The following PTCD3 variants were observed in gnomAD, a reference collection of about 807,000 sequenced individuals.
PTCD3 encodes small ribosomal subunit protein mS39.
A neutral mutation model predicts 101.9 loss-of-function variants in PTCD3; 89 were observed. The ratio of observed to expected loss-of-function variants is 0.87; its 90% CI spans 0.74 to 1.04. PTCD3 has a LOEUF of 1.04. PTCD3 is among the 50% of genes least tolerant of loss of function. The pLI, the probability that PTCD3 is intolerant of heterozygous loss-of-function variation, is 0.00. For missense variants in PTCD3, 870 were observed against 828.2 expected (o/e 1.05, Z -0.62); for synonymous variants, 296 against 278.5 (o/e 1.06, Z -0.63).
rs758708550 is a variant in PTCD3 at position 86,117,122 on chromosome 2, A to C, written c.377A>C (p.Lys126Thr). The C allele has an allele frequency of 6.8e-7, 1 of 1,461,596 alleles. No homozygotes were observed. Among genetic ancestry groups the C allele is most frequent in the Non-Finnish European group, 9.6e-7 (1 of 1,041,628 alleles). 90.5% of individuals were successfully genotyped at this position (1,461,596 alleles called of 1,614,324 possible). Residue 126 changes from lysine (K) to threonine (T), a missense_variant, in exon 6 of 24, where the codon AAA becomes ACA. Transcript: ENST00000254630. The part of the protein sequence containing the change: ...VAKFIINSYP[K>T]YFQKDIAEPH... ...AAGTTTATTATTAATTCATACCCCA[A>C]ATATTTTCAGAAGGACATAGCTGAA...
intron 3 of PTCD3, among the ~76,000 whole-genome samples, chr2:86,109,102 A>C (rs57817729): frequency 0.043 from 6,512 of 151,848 alleles, 494 homozygotes; most frequent in African/African-American, 0.15. Flanking sequence ...TCTTAAAATT[A>C]TGTGACCTAA....
In PTCD3 at chr2:86,125,043, T is replaced by G; in HGVS notation, c.765T>G (p.Asn255Lys). 6.2e-7 allele frequency: 1 copy of G among 1,614,046 alleles called. No homozygotes were observed. Among genetic ancestry groups the G allele is most frequent in the Non-Finnish European group, 8.5e-7 (1 of 1,179,998 alleles). ...ERIFSLMPEK[N>K]EHSYCTMIRG... ...TCTTTTCTCTAATGCCAGAGAAAAATGAACATTCCTATTGCACAATGATCC... is the reference window on the plus strand; with the variant it reads ...TCTTTTCTCTAATGCCAGAGAAAAAGGAACATTCCTATTGCACAATGATCC... Residue 255 changes from asparagine to lysine, a missense_variant, in exon 10 of 24, where the codon AAT becomes AAG. Physicochemically the swap from Asn to Lys is moderately conservative, Grantham distance 94. Coordinates refer to ENST00000254630, the MANE Select transcript of PTCD3 (RefSeq NM_017952.6).
chr2:86,121,697 G>A (rs1468517673), intron 8 of PTCD3, 103 bp downstream of exon 8: 1 of 692,100 alleles, frequency 1.4e-6, no homozygotes, highest in Non-Finnish European at 2.4e-6. Flanking sequence ...CAGGGTAGTA[G>A]AGATTTGTAC....
rs997412345 is a variant in PTCD3 at position 86,139,622 on chromosome 2, G to A, written c.*2063G>A. The A allele has an allele frequency of 2.0e-5, 3 of 152,346 alleles. No individual in the cohort carries two copies. The highest frequency in any genetic ancestry group is 7.2e-5 in the African/African-American group (3 of 41,438). 9.4% of individuals were successfully genotyped at this position (152,346 alleles called of 1,614,324 possible). ...GTTTGAGACCAGCCTGGGTAACAGTGAGACCCCCCTCCCTACAAAAGATTT... is the reference window on the plus strand; with the variant it reads ...GTTTGAGACCAGCCTGGGTAACAGTAAGACCCCCCTCCCTACAAAAGATTT... On this transcript the variant is annotated 3_prime_UTR_variant, in exon 24 of 24. Coordinates refer to ENST00000254630, the MANE Select transcript of PTCD3 (RefSeq NM_017952.6).
At position 86,125,806 on chromosome 2, in the gene PTCD3, A is replaced by G; in HGVS notation, c.877A>G (p.Thr293Ala). Residue 293 changes from threonine to alanine, a missense_variant, in exon 12 of 24, where the codon ACA (threonine) becomes GCA (alanine). Transcript: ENST00000254630. ...TTATTATTTTACAGCTGATGTATAC[A>G]CATTTAATGCATTGATTGAAGCAAC... ...LNNRLHADVY[T>A]FNALIEATVC... is the part of the protein sequence containing the mutation. 6.2e-7 allele frequency: 1 copy of G among 1,603,908 alleles called. No homozygotes were observed. Among genetic ancestry groups the G allele is most frequent in the Non-Finnish European group, 8.5e-7 (1 of 1,172,154 alleles).
intron 6 of PTCD3, among the ~76,000 whole-genome samples, chr2:86,118,403 A>G (rs992405527): frequency 2.0e-5 from 3 of 152,170 alleles, no homozygotes; most frequent in Admixed American, 2.0e-4. Context: ...AACTGCTCCC[A>G]TATCCCTACA....
chr2:86,114,440 C>T (rs1159911356), intron 4 of PTCD3, among the ~76,000 whole-genome samples: 2 of 152,098 alleles, frequency 1.3e-5, no homozygotes, highest in African/African-American at 4.8e-5. Flanking sequence ...GGCGCCCCCA[C>T]CCCCACGCCC....
rs1304348503 is a variant in PTCD3, at chr2:86,138,310, T to C, written c.*751T>C. The C allele has an allele frequency of 6.6e-6, 1 of 152,194 alleles. No homozygotes were observed. Among genetic ancestry groups the C allele is most frequent in the Non-Finnish European group, 1.5e-5 (1 of 68,050 alleles). The allele number at this position is 152,194 out of a possible 1,614,324, so 9.4% of individuals were successfully genotyped here. Reference sequence around the variant, plus strand: ...AATGTCTTCTTGACATCATTGTGTATTGCTGGTAATCAAGTTGGTAACGAC... The same window carrying C: ...AATGTCTTCTTGACATCATTGTGTACTGCTGGTAATCAAGTTGGTAACGAC... On this transcript the variant is annotated 3_prime_UTR_variant, in exon 24 of 24. Coordinates refer to ENST00000254630, the MANE Select transcript of PTCD3 (RefSeq NM_017952.6).
intron 1 of PTCD3, among the ~76,000 whole-genome samples, chr2:86,107,874 T>G (rs1673993187): frequency 6.6e-6 from 1 of 152,208 alleles, no homozygotes; most frequent in African/African-American, 2.4e-5. Flanking sequence ...GTTCCTGAAG[T>G]TGAAAGTTCT....
At chr2:86,133,021 T>G in intron 17 of PTCD3, 157 bp from the exon 18 acceptor site, 1 of 1,208,460 alleles carries the variant, frequency 8.3e-7, no homozygotes, top group Non-Finnish European at 1.1e-6. Context: ...CAGCACACAC[T>G]GGCAGCTCTT....
At position 86,129,534 on chromosome 2, in the gene PTCD3, CAG is replaced by C. The variant is rs776661349; in HGVS notation, c.1148-1113_1148-1112del. Among the ~76,000 whole-genome samples, 3 of 152,070 alleles carry C rather than the reference CAG, an allele frequency of 2.0e-5. No homozygotes were observed. In the South Asian group the frequency reaches 6.2e-4, roughly 32 times the overall value. On this transcript the variant is annotated intron_variant, in intron 14 of 23. Coordinates refer to ENST00000254630, the MANE Select transcript of PTCD3 (RefSeq NM_017952.6). Reference sequence around the variant, plus strand: ...GCGCACCCCTGTAGTCCCAGCTACTCAGGAGTGTGAGGCAGGAGGATTGCTTG... The same window carrying C: ...GCGCACCCCTGTAGTCCCAGCTACTCGAGTGTGAGGCAGGAGGATTGCTTG...
At chr2:86,130,815 G>C (rs921957733) in intron 15 of PTCD3, 78 bp downstream of exon 15, 1 of 1,562,706 alleles carries the variant, frequency 6.4e-7, no homozygotes, top group Non-Finnish European at 8.6e-7. Context: ...TAGAGGCCTT[G>C]TGATCCCTAT....
chr2:86,123,619 C>A, intron 8 of PTCD3, 82 bp from the exon 9 acceptor site: 3 of 1,059,774 alleles, frequency 2.8e-6, no homozygotes, highest in Non-Finnish European at 4.1e-6. Context: ...GTTCCCTTTG[C>A]CTTTCTGATT....
intron 4 of PTCD3, 87 bp downstream of exon 4, chr2:86,111,245 T>TA: frequency 8.9e-7 from 1 of 1,128,978 alleles, no homozygotes; most frequent in East Asian, 2.4e-5. Context: ...TTAATACTCA[T>TA]ACCTCGTCAT....
chr2:86,115,512 G>A (rs1263950039), intron 4 of PTCD3, among the ~76,000 whole-genome samples: 1 of 152,200 alleles, frequency 6.6e-6, no homozygotes, highest in Non-Finnish European at 1.5e-5. Context: ...GAAAGGGGTA[G>A]CAGAAAGCTA....
chr2:86,120,945 C>T (rs1053541047), intron 7 of PTCD3, among the ~76,000 whole-genome samples: 1 of 152,176 alleles, frequency 6.6e-6, no homozygotes, highest in African/African-American at 2.4e-5. Context: ...ATATCTCATA[C>T]TTGTCTTCCT....
intron 11 of PTCD3, 29 bp from the exon 12 acceptor site, chr2:86,125,766 C>A (rs1558797893): frequency 2.0e-6 from 3 of 1,527,724 alleles, no homozygotes; most frequent in East Asian, 4.5e-5. Context: ...ATCTTCAACC[C>A]CAAATTTTAT....
chr2:86,117,453 CTT>C (rs758220686), intron 6 of PTCD3, among the ~76,000 whole-genome samples: 13 of 143,264 alleles, frequency 9.1e-5, no homozygotes, highest in African/African-American at 1.0e-4. Context: ...CTTTCTCTTC[CTT>C]TTTTTTTTTT....
rs550867574 is a variant in PTCD3 at position 86,116,883 on chromosome 2, C to T, written c.310-172C>T. Among the ~76,000 whole-genome samples, 142 of 152,212 alleles carry T rather than the reference C, an allele frequency of 9.3e-4. 2 individuals are homozygous for T. Among genetic ancestry groups the T allele is most frequent in the Non-Finnish European group, 3.5e-4 (24 of 68,010 alleles). Reference sequence around the variant, plus strand: ...TTTCAAGCTGTGTATAAGATGCTAACTGAAATTATATCACAGTAGAAAAGG... The same window carrying T: ...TTTCAAGCTGTGTATAAGATGCTAATTGAAATTATATCACAGTAGAAAAGG... On this transcript the variant is annotated intron_variant, in intron 5 of 23. Transcript: ENST00000254630.
Sources: gnomAD v4.1 joint callset for allele counts (sites outside exome capture counted in the v4.1 genomes callset) on GRCh38, gnomAD v4.1.1 for gene constraint, MANE v1.5 for transcripts, NCBI Gene and HGNC (gene_info 2026-07-23, HGNC 2026-07-21) for gene names.